The following CEP70 variants were observed in gnomAD, a reference collection of about 807,000 sequenced individuals.
The protein encoded by CEP70 is centrosomal protein 70.
CEP70 carries 70 observed loss-of-function variants against 90.9 expected under a neutral mutation model. The observed-to-expected ratio is 0.77, with a 90% confidence interval of 0.64 to 0.94. The LOEUF (loss-of-function observed/expected upper bound fraction) is 0.94, where lower values mean the gene tolerates loss of function less well. Among genes scored for constraint, CEP70 ranks in the 40% least tolerant of loss-of-function variants. The probability of loss-of-function intolerance (pLI) is 0.00; values close to 1 mark genes in which losing one functional copy is unlikely to be tolerated. For synonymous variants in CEP70, 220 were observed against 228.3 expected, an observed-to-expected ratio of 0.96 and a Z score of 0.33; for missense variants, 648 against 669.0, an observed-to-expected ratio of 0.97 and a Z score of 0.35.
At chr3:138,504,649 C>G (rs2034815078) in intron 13 of CEP70, among the ~76,000 whole-genome samples, 1 of 152,152 alleles carries the variant, frequency 6.6e-6, no homozygotes, top group Non-Finnish European at 1.5e-5. Context: ...CTGATTTCAA[C>G]TATTTACCTT....
intron 7 of CEP70, among the ~76,000 whole-genome samples, chr3:138,534,286 CTT>C (rs1198062342): frequency 6.6e-6 from 1 of 152,138 alleles, no homozygotes; most frequent in African/African-American, 2.4e-5. Flanking sequence ...CTAGATTACT[CTT>C]TTTCTCTTCA....
intron 1 of CEP70, among the ~76,000 whole-genome samples, chr3:138,593,539 T>C (rs1022787815): frequency 2.6e-5 from 4 of 152,174 alleles, no homozygotes; most frequent in African/African-American, 9.7e-5. Context: ...ATATCATTGA[T>C]TGAAAAACAA....
intron 11 of CEP70, among the ~76,000 whole-genome samples, chr3:138,521,063 G>A (rs2036573625): frequency 6.6e-6 from 1 of 152,180 alleles, no homozygotes; most frequent in African/African-American, 2.4e-5. Flanking sequence ...GCCTGCCTCG[G>A]CCTCCCGAGG....
intron 2 of CEP70, among the ~76,000 whole-genome samples, chr3:138,586,652 G>C (rs1443854151): frequency 6.6e-6 from 1 of 152,178 alleles, no homozygotes. Context: ...TGGAGACACA[G>C]AGTAGAAGGA....
chr3:138,571,070 A>G lies in CEP70; in HGVS notation c.248T>C (p.Met83Thr), dbSNP rs915212906. The G allele has an allele frequency of 8.7e-6, 14 of 1,608,030 alleles. No homozygotes were observed. The highest frequency in any genetic ancestry group is 1.1e-5 in the Non-Finnish European group (13 of 1,176,890). ...LVEETSCQQN[M>T]IQELIETNQQ... ...ATTAGTTTCTATAAGCTCCTGTATCATGTTCTGTTGACATGATGTTTCTTC... is the reference window on the plus strand; with the variant it reads ...ATTAGTTTCTATAAGCTCCTGTATCGTGTTCTGTTGACATGATGTTTCTTC... The change falls in exon 5 of 18, where the codon ATG becomes ACG. Residue 83 changes from methionine to threonine, a missense_variant. Met to Thr is a moderately conservative substitution (Grantham distance 81). Coordinates refer to ENST00000264982, the MANE Select transcript of CEP70 (RefSeq NM_024491.4).
chr3:138,547,528 C>A (rs948419799), intron 6 of CEP70, among the ~76,000 whole-genome samples: 1 of 152,188 alleles, frequency 6.6e-6, no homozygotes, highest in Admixed American at 6.5e-5. Flanking sequence ...CACCATAGAT[C>A]TTAGCAACCT....
intron 1 of CEP70, among the ~76,000 whole-genome samples, chr3:138,593,249 G>A (rs1363263832): frequency 6.6e-6 from 1 of 152,080 alleles, no homozygotes. Flanking sequence ...TTGAGACAGA[G>A]TCTCGCTCCG....
At chr3:138,502,809 G>A (rs949647422) in intron 13 of CEP70, among the ~76,000 whole-genome samples, 5 of 152,144 alleles carry the variant, frequency 3.3e-5, no homozygotes, top group African/African-American at 1.2e-4. Flanking sequence ...CAGTTGTGGA[G>A]ATGTAGAAGT....
At chr3:138,568,322 G>C (rs749128164) in intron 6 of CEP70, among the ~76,000 whole-genome samples, 4 of 152,146 alleles carry the variant, frequency 2.6e-5, no homozygotes, top group Non-Finnish European at 5.9e-5. Context: ...TCATGTATCT[G>C]TTCTTTGAAG....
At chr3:138,537,631 A>C (rs1465942446) in intron 6 of CEP70, among the ~76,000 whole-genome samples, 1 of 152,196 alleles carries the variant, frequency 6.6e-6, no homozygotes, top group Non-Finnish European at 1.5e-5. Context: ...GAATTTCCAT[A>C]AAACTGGTAT....
Position 138,519,262 on chromosome 3 carries a change from T to G in CEP70, c.944+6228A>C, listed in dbSNP as rs551055109. ...AACCAAGCTGGAAAACACTCTGCAG[T>G]ATATTATCCAGGAGAACTTCCCCAA... On this transcript the variant is annotated intron_variant, in intron 11 of 17. Transcript: ENST00000264982. 6.5e-3 allele frequency among the ~76,000 whole-genome samples: 982 copies of G among 152,144 alleles called. 11 individuals are homozygous for G. Among genetic ancestry groups the G allele is most frequent in the African/African-American group, 0.023 (942 of 41,520 alleles).
intron 10 of CEP70, among the ~76,000 whole-genome samples, chr3:138,528,076 G>A (rs2037462853): frequency 1.4e-5 from 2 of 141,566 alleles, no homozygotes; most frequent in South Asian, 2.2e-4. Flanking sequence ...ACAGGGTCTC[G>A]CTCTGTCACA....
At chr3:138,510,198 G>A (rs1400366040) in intron 11 of CEP70, among the ~76,000 whole-genome samples, 2 of 151,374 alleles carry the variant, frequency 1.3e-5, no homozygotes, top group African/African-American at 4.9e-5. Context: ...AGGATCACCT[G>A]AGGTCAGGAG....
rs144459267 is a variant in CEP70 at position 138,548,055 on chromosome 3, A to C, written c.466-10708T>G. Among the ~76,000 whole-genome samples the C allele has an allele frequency of 1.9e-4, 29 of 152,328 alleles. No homozygotes were observed. In the East Asian group the frequency reaches 5.2e-3, roughly 27 times the overall value. On this transcript the variant is annotated intron_variant, in intron 6 of 17. Transcript: ENST00000264982. ...CCAACATTATCCTGATACCAAAGCC[A>C]GAGATACTACAAAAAGAAGAGAACT...
intron 2 of CEP70, among the ~76,000 whole-genome samples, chr3:138,583,956 A>G (rs1227256243): frequency 2.6e-5 from 4 of 152,144 alleles, no homozygotes; most frequent in Admixed American, 6.5e-5. Context: ...AATGAAATTG[A>G]AACAAATAAG....
Position 138,529,276 on chromosome 3 carries a change from A to G in CEP70, c.792T>C (p.Asn264=). Residue 264 remains asparagine, a synonymous_variant, in exon 10 of 18, where the codon AAT becomes AAC. Transcript: ENST00000264982. ...TYKGLLMSLQ[N]QLKESKSKID... is the part of the protein sequence containing the mutation. ...TCTTAGATTTTGATTCCTTGAGTTG[A>G]TTCTGTAATGACTGCAACACATTTC... The G allele has an allele frequency of 1.9e-6, 3 of 1,605,428 alleles. No homozygotes were observed. The highest frequency in any genetic ancestry group is 2.6e-6 in the Non-Finnish European group (3 of 1,174,760).
chr3:138,594,012 T>G (rs2042530509), intron 1 of CEP70, 186 bp downstream of exon 1: 1 of 152,334 alleles, frequency 6.6e-6, no homozygotes, highest in African/African-American at 2.4e-5. Context: ...GAGCTGGGAC[T>G]GGAGGCAGTT....
intron 7 of CEP70, among the ~76,000 whole-genome samples, chr3:138,536,243 A>T (rs1387529673): frequency 1.3e-5 from 2 of 152,164 alleles, no homozygotes; most frequent in African/African-American, 4.8e-5. Flanking sequence ...AACTCTAAAC[A>T]TTTAAAATCA....
Position 138,494,647 on chromosome 3 carries a change from T to G in CEP70, c.*368A>C, listed in dbSNP as rs1042409345. 1.2e-5 allele frequency: 2 copies of G among 163,246 alleles called. No homozygotes were observed. Among genetic ancestry groups the G allele is most frequent in the African/African-American group, 4.8e-5 (2 of 41,548 alleles). The allele number at this position is 163,246 out of a possible 1,614,324, so 10.1% of individuals were successfully genotyped here. A position where few individuals can be genotyped will look rare whatever the true frequency, so the allele number is the denominator to read the frequency against. On this transcript the variant is annotated 3_prime_UTR_variant, in exon 18 of 18. Coordinates refer to ENST00000264982, the MANE Select transcript of CEP70 (RefSeq NM_024491.4). ...TTTAGAGAGCCCTTGGCATTCCTTTTGGTGTGGCTCAAAGATTATTACAAG... is the reference window on the plus strand; with the variant it reads ...TTTAGAGAGCCCTTGGCATTCCTTTGGGTGTGGCTCAAAGATTATTACAAG...
Sources: allele counts gnomAD v4.1 joint callset (sites outside exome capture counted in the v4.1 genomes callset), GRCh38; gene constraint gnomAD v4.1.1; transcripts MANE v1.5; gene names NCBI Gene and HGNC (gene_info 2026-07-23, HGNC 2026-07-21).